TMEM108: variants seen among roughly 807,000 people sequenced by gnomAD.
TMEM108 encodes cancer/testis antigen 124.
In TMEM108, 12 loss-of-function variants were observed where a neutral mutation model predicts 35.1. That is an observed-to-expected ratio of 0.34 (90% CI 0.22 to 0.55). TMEM108 has a LOEUF of 0.55. TMEM108 is among the 20% of genes least tolerant of loss of function. The pLI is 0.89. For synonymous variants in TMEM108, 287 were observed against 308.6 expected (o/e 0.93, Z 0.73); for missense variants, 680 against 753.3 (o/e 0.90, Z 1.14).
chr3:133,189,362 A>C (rs1002018836), intron 2 of TMEM108, among the ~76,000 whole-genome samples: 1 of 152,156 alleles, frequency 6.6e-6, no homozygotes, highest in African/African-American at 2.4e-5. Flanking sequence ...TCTTTAAATC[A>C]TCGTATTTTT....
At chr3:133,212,633 A>AAGGC (rs1310178048) in intron 2 of TMEM108, among the ~76,000 whole-genome samples, 2 of 152,082 alleles carry the variant, frequency 1.3e-5, no homozygotes, top group African/African-American at 4.8e-5. Flanking sequence ...TTGGGAGGCC[A>AAGGC]AGGCAGGTGG....
chr3:133,307,737 G>A (rs1054208976), intron 3 of TMEM108, among the ~76,000 whole-genome samples: 2 of 152,094 alleles, frequency 1.3e-5, no homozygotes, highest in Non-Finnish European at 2.9e-5. Flanking sequence ...CTGTATATCT[G>A]TTTTGGTACC....
At chr3:133,146,884 T>C (rs1944729178) in intron 2 of TMEM108, among the ~76,000 whole-genome samples, 1 of 151,982 alleles carries the variant, frequency 6.6e-6, no homozygotes, top group Non-Finnish European at 1.5e-5. Context: ...GCTAGTGGTC[T>C]ATTTTATTAA....
intron 3 of TMEM108, among the ~76,000 whole-genome samples, chr3:133,338,807 CAGG>C (rs1298698694): frequency 6.6e-6 from 1 of 151,796 alleles, no homozygotes; most frequent in Non-Finnish European, 1.5e-5. Context: ...AGCTTAAAAT[CAGG>C]AGGATGAAAT....
chr3:133,124,543 G>A (rs1944391478), intron 2 of TMEM108, among the ~76,000 whole-genome samples: 1 of 152,178 alleles, frequency 6.6e-6, no homozygotes. Context: ...CAACTGCTGT[G>A]TGTGTTCCAG....
intron 2 of TMEM108, among the ~76,000 whole-genome samples, chr3:133,133,388 A>G (rs1944517661): frequency 6.6e-6 from 1 of 152,236 alleles, no homozygotes; most frequent in Admixed American, 6.5e-5. Flanking sequence ...ATTATTTTTA[A>G]TTAAGGTATG....
intron 2 of TMEM108, among the ~76,000 whole-genome samples, chr3:133,176,282 G>A (rs1443636391): frequency 6.6e-6 from 1 of 152,108 alleles, no homozygotes; most frequent in Non-Finnish European, 1.5e-5. Context: ...AGGTTAACAA[G>A]GATACCCAGG....
At chr3:133,082,111 T>G (rs1943819030) in intron 2 of TMEM108, among the ~76,000 whole-genome samples, 1 of 152,244 alleles carries the variant, frequency 6.6e-6, no homozygotes, top group African/African-American at 2.4e-5. Context: ...CTCTGCAGTC[T>G]GCTTTGTGCT....
At chr3:133,282,480 A>G (rs1559891606) in intron 3 of TMEM108, among the ~76,000 whole-genome samples, 1 of 152,172 alleles carries the variant, frequency 6.6e-6, no homozygotes, top group Non-Finnish European at 1.5e-5. Context: ...TTACACAGTC[A>G]TCTTGTTTCT....
intron 3 of TMEM108, among the ~76,000 whole-genome samples, chr3:133,282,152 G>C (rs565860180): frequency 6.6e-6 from 1 of 151,938 alleles, no homozygotes; most frequent in African/African-American, 2.4e-5. Flanking sequence ...GCGAGACTCC[G>C]TCTCAAAAAA....
intron 2 of TMEM108, among the ~76,000 whole-genome samples, chr3:133,167,834 G>T (rs909212566): frequency 1.3e-5 from 2 of 152,160 alleles, no homozygotes; most frequent in Non-Finnish European, 2.9e-5. Context: ...ACAGAGAGGG[G>T]CTCCCACAGT....
intron 3 of TMEM108, among the ~76,000 whole-genome samples, chr3:133,285,472 A>G (rs1346551040): frequency 6.6e-6 from 1 of 152,138 alleles, no homozygotes; most frequent in Non-Finnish European, 1.5e-5. Context: ...ATGTCTTTAA[A>G]TGGTGTTTTG....
chr3:133,136,597 G>A (rs1446565479), intron 2 of TMEM108, among the ~76,000 whole-genome samples: 1 of 152,162 alleles, frequency 6.6e-6, no homozygotes, highest in African/African-American at 2.4e-5. Flanking sequence ...TCCCACCAGG[G>A]TGTGAAGTAG....
chr3:133,111,138 C>T (rs1229801204), intron 2 of TMEM108, among the ~76,000 whole-genome samples: 1 of 152,160 alleles, frequency 6.6e-6, no homozygotes, highest in Non-Finnish European at 1.5e-5. Flanking sequence ...CTATGGTAGC[C>T]ATCTAGTCTG....
At chr3:133,068,129 G>A (rs79938536) in intron 2 of TMEM108, among the ~76,000 whole-genome samples, 4,083 of 151,238 alleles carry the variant, frequency 0.027, 101 homozygotes, top group South Asian at 0.061. Context: ...ATATTAATAT[G>A]TTAATGTTAT....
At chr3:133,181,016 A>C (rs1282805193) in intron 2 of TMEM108, among the ~76,000 whole-genome samples, 3 of 74,538 alleles carry the variant, frequency 4.0e-5, no homozygotes, top group Non-Finnish European at 6.3e-5. Flanking sequence ...GTTAAAAAAA[A>C]AAAAAAAAAA....
intron 2 of TMEM108, among the ~76,000 whole-genome samples, chr3:133,153,909 C>T (rs1299094358): frequency 1.3e-5 from 2 of 152,016 alleles, no homozygotes; most frequent in African/African-American, 4.8e-5. Flanking sequence ...TTTGCAGGCA[C>T]TTTACACACA....
chr3:133,205,138 T>TG (rs1431471225), intron 2 of TMEM108, among the ~76,000 whole-genome samples: 1 of 150,870 alleles, frequency 6.6e-6, no homozygotes, highest in African/African-American at 2.5e-5. Flanking sequence ...GCTGCTTTTT[T>TG]TTTTTCTTTC....
intron 3 of TMEM108, among the ~76,000 whole-genome samples, chr3:133,276,768 C>T (rs1304588548): frequency 6.6e-6 from 1 of 152,190 alleles, no homozygotes; most frequent in East Asian, 1.9e-4. Flanking sequence ...GCTTTAAGAA[C>T]CATCTGGCTC....
Sources: allele counts gnomAD v4.1 joint callset (sites outside exome capture counted in the v4.1 genomes callset), GRCh38; gene constraint gnomAD v4.1.1; transcripts MANE v1.5; gene names NCBI Gene and HGNC (gene_info 2026-07-23, HGNC 2026-07-21).